The following CTNNA3 variants were observed in gnomAD, a reference collection of about 807,000 sequenced individuals.
The protein encoded by CTNNA3 is catenin alpha 3.
CTNNA3 carries 76 observed loss-of-function variants against 95.7 expected under a neutral mutation model. The ratio of observed to expected loss-of-function variants is 0.79; its 90% CI spans 0.66 to 0.96. The LOEUF is 0.96. CTNNA3 is among the 40% of genes least tolerant of loss of function. The pLI, the probability that CTNNA3 is intolerant of heterozygous loss-of-function variation, is 0.00. For missense variants in CTNNA3, 1,191 were observed against 1,089.8 expected, an observed-to-expected ratio of 1.09 and a Z score of -1.31; for synonymous variants, 431 against 374.4, an observed-to-expected ratio of 1.15 and a Z score of -1.74.
At chr10:66,530,225 G>T (rs1841419570) in intron 10 of CTNNA3, among the ~76,000 whole-genome samples, 1 of 152,072 alleles carries the variant, frequency 6.6e-6, no homozygotes, top group African/African-American at 2.4e-5. Context: ...TACCTCAGTG[G>T]CACGGCAAGT....
intron 5 of CTNNA3, among the ~76,000 whole-genome samples, chr10:67,371,361 T>C (rs1843452534): frequency 6.6e-6 from 1 of 150,826 alleles, no homozygotes; most frequent in Non-Finnish European, 1.5e-5. Context: ...GTATATCTCC[T>C]AATGCTATCC....
chr10:66,712,273 A>G (rs886233791), intron 9 of CTNNA3, among the ~76,000 whole-genome samples: 3 of 152,112 alleles, frequency 2.0e-5, no homozygotes, highest in African/African-American at 7.2e-5. Context: ...TATGTACTTC[A>G]AAATTATATC....
At chr10:66,219,589 C>A (rs1437933459) in intron 13 of CTNNA3, among the ~76,000 whole-genome samples, 1 of 151,688 alleles carries the variant, frequency 6.6e-6, no homozygotes, top group African/African-American at 2.4e-5. Flanking sequence ...ACATGAGAAA[C>A]CTTAGAGTCA....
intron 7 of CTNNA3, among the ~76,000 whole-genome samples, chr10:66,956,127 G>T (rs1039296640): frequency 1.3e-5 from 2 of 151,832 alleles, no homozygotes; most frequent in Non-Finnish European, 2.9e-5. Context: ...GAACCTTTTT[G>T]CTTGTTAGCC....
At chr10:67,705,113 A>C (rs1197143359) in intron 1 of CTNNA3, among the ~76,000 whole-genome samples, 1 of 152,148 alleles carries the variant, frequency 6.6e-6, no homozygotes, top group Non-Finnish European at 1.5e-5. Context: ...GTGATCATTA[A>C]AAAGTCAGGA....
intron 10 of CTNNA3, among the ~76,000 whole-genome samples, chr10:66,552,314 T>A (rs989600325): frequency 3.3e-5 from 5 of 152,132 alleles, no homozygotes; most frequent in African/African-American, 1.2e-4. Flanking sequence ...GAGAGTTGTA[T>A]TGGAGTTTTA....
intron 13 of CTNNA3, among the ~76,000 whole-genome samples, chr10:66,140,980 T>C (rs2083585082): frequency 6.6e-6 from 1 of 152,112 alleles, no homozygotes; most frequent in Non-Finnish European, 1.5e-5. Flanking sequence ...TTTCTGAGTC[T>C]GGGTACACTG....
intron 1 of CTNNA3, among the ~76,000 whole-genome samples, chr10:67,740,488 G>C (rs1258928816): frequency 6.6e-6 from 1 of 151,022 alleles, no homozygotes; most frequent in Admixed American, 6.6e-5. Context: ...CCCATCAAAA[G>C]GTGGGCAAAG....
intron 11 of CTNNA3, among the ~76,000 whole-genome samples, chr10:66,469,159 C>T (rs371626749): frequency 4.5e-4 from 68 of 151,966 alleles, no homozygotes; most frequent in African/African-American, 1.6e-3. Context: ...TAGAAACAGT[C>T]TCTGACCTTT....
chr10:66,942,779 C>G (rs776488353), intron 7 of CTNNA3, among the ~76,000 whole-genome samples: 5 of 152,098 alleles, frequency 3.3e-5, no homozygotes, highest in Non-Finnish European at 5.9e-5. Flanking sequence ...AACTTAGTAA[C>G]TATTACATTT....
At chr10:65,960,453 A>G (rs2077819996) in intron 17 of CTNNA3, among the ~76,000 whole-genome samples, 1 of 152,050 alleles carries the variant, frequency 6.6e-6, no homozygotes, top group African/African-American at 2.4e-5. Flanking sequence ...TGAACCCAGG[A>G]GGCGGAGCTT....
chr10:66,294,833 C>T (rs1160406222), intron 12 of CTNNA3, among the ~76,000 whole-genome samples: 1 of 151,948 alleles, frequency 6.6e-6, no homozygotes, highest in Non-Finnish European at 1.5e-5. Context: ...AGAGTCTATT[C>T]ACGTTGAGTT....
At chr10:67,416,171 G>A (rs924041734) in intron 5 of CTNNA3, among the ~76,000 whole-genome samples, 2 of 151,970 alleles carry the variant, frequency 1.3e-5, no homozygotes, top group Admixed American at 1.3e-4. Context: ...AAGAGCTTCT[G>A]CATGGCAAAA....
At chr10:67,468,392 G>GA in intron 5 of CTNNA3, among the ~76,000 whole-genome samples, 1 of 152,126 alleles carries the variant, frequency 6.6e-6, no homozygotes, top group South Asian at 2.1e-4. Context: ...AAGAAAGGAA[G>GA]AAAAATAATT....
intron 9 of CTNNA3, among the ~76,000 whole-genome samples, chr10:66,676,940 A>G (rs1001240801): frequency 1.3e-5 from 2 of 152,084 alleles, no homozygotes; most frequent in African/African-American, 4.8e-5. Context: ...GGCACAGTCT[A>G]GTATGTTACA....
chr10:66,370,073 C>T (rs145005950), intron 12 of CTNNA3, among the ~76,000 whole-genome samples: 10 of 152,128 alleles, frequency 6.6e-5, no homozygotes, highest in East Asian at 5.8e-4. Context: ...TTTACACACT[C>T]GAATTCACAT....
At chr10:67,138,212 T>C (rs1347195561) in intron 7 of CTNNA3, among the ~76,000 whole-genome samples, 1 of 152,092 alleles carries the variant, frequency 6.6e-6, no homozygotes, top group Non-Finnish European at 1.5e-5. Context: ...TGAGAAGTCT[T>C]GAATTAATGA....
chr10:66,073,092 A>G (rs1333303729), intron 14 of CTNNA3, among the ~76,000 whole-genome samples: 3 of 152,030 alleles, frequency 2.0e-5, no homozygotes, highest in Non-Finnish European at 2.9e-5. Context: ...AAAAGGAGAG[A>G]ATAGAGTAGG....
At chr10:66,011,725 C>G (rs1464149596) in intron 15 of CTNNA3, among the ~76,000 whole-genome samples, 3 of 152,144 alleles carry the variant, frequency 2.0e-5, no homozygotes, top group Non-Finnish European at 2.9e-5. Flanking sequence ...TTGCCAGTTT[C>G]ATTTATTCTC....
Sources: allele counts gnomAD v4.1 joint callset (sites outside exome capture counted in the v4.1 genomes callset), GRCh38; gene constraint gnomAD v4.1.1; transcripts MANE v1.5; gene names NCBI Gene and HGNC (gene_info 2026-07-23, HGNC 2026-07-21).